The following SUSD2 variants were observed in gnomAD, a reference collection of about 807,000 sequenced individuals.
The protein encoded by SUSD2 is sushi domain containing 2, also known as sushi domain-containing protein 2.
Under a neutral mutation model 93.8 loss-of-function variants are expected in SUSD2, and 86 were observed. The ratio of observed to expected loss-of-function variants is 0.92; its 90% CI spans 0.77 to 1.10. The LOEUF is 1.10. Ranked by LOEUF, SUSD2 falls within the 50% of genes least tolerant of loss-of-function variation. The probability of loss-of-function intolerance (pLI) is 0.00; values close to 1 mark genes in which losing one functional copy is unlikely to be tolerated. For synonymous variants in SUSD2, 483 were observed against 485.0 expected (o/e 1.00, Z 0.05); for missense variants, 1,060 against 1,137.0 (o/e 0.93, Z 0.97).
chr22:24,187,483 G>A, intron 11 of SUSD2, 33 bp downstream of exon 11: 12 of 1,607,842 alleles, frequency 7.5e-6, no homozygotes, highest in Non-Finnish European at 1.0e-5. Flanking sequence ...GGGCAGACGG[G>A]GTGGGGGTTA....
At position 24,184,907 on chromosome 22, in the gene SUSD2, G is replaced by A. The variant is rs1034578974; in HGVS notation, c.749G>A (p.Arg250Gln). 12 of 1,613,716 alleles carry A rather than the reference G, an allele frequency of 7.4e-6. No homozygotes were observed. The highest frequency in any genetic ancestry group is 3.3e-5 in the South Asian group (3 of 91,064). The change falls in exon 5 of 15, where the codon CGG becomes CAG. Residue 250 changes from arginine (R) to glutamine (Q), a missense_variant. Physicochemically the swap from Arg to Gln is conservative, Grantham distance 43. Around this residue, in one of 2 missense-constraint regions of SUSD2, gnomAD observed 973 missense variants for 1,005.3 expected, o/e 0.97. Transcript: ENST00000358321. ...CAGAGATGGCGAGTGGGTGCACTTC[G>A]GATCATCGACAGCAAAAATTACGCA... ...SYQRWRVGAL[R>Q]IIDSKNYAGQ...
intron 2 of SUSD2, 21 bp downstream of exon 2, chr22:24,183,288 G>T (rs758542649): frequency 1.5e-5 from 24 of 1,599,546 alleles, no homozygotes; most frequent in South Asian, 3.3e-5. Flanking sequence ...CCAGGAGGCC[G>T]GGCACTGGGG....
At chr22:24,183,305 G>A (rs746310096) in intron 2 of SUSD2, 38 bp downstream of exon 2, 19 of 1,579,370 alleles carry the variant, frequency 1.2e-5, no homozygotes, top group African/African-American at 5.4e-5. Context: ...GGGGCCCCAC[G>A]CCCCCATCCC....
chr22:24,183,889 A>T lies in SUSD2; in HGVS notation c.439+243A>T, dbSNP rs535934437. ...TAGAGAGGTGGGCCAGTGCCTATCC[A>T]CTGAGCTCCGCCATGCCAGGGCAGG... On this transcript the variant is annotated intron_variant, in intron 3 of 14. Coordinates refer to ENST00000358321, the MANE Select transcript of SUSD2 (RefSeq NM_019601.4). The T allele has an allele frequency of 3.7e-5, 24 of 646,936 alleles. No homozygotes were observed. In the South Asian group the frequency reaches 4.3e-4, roughly 12 times the overall value. 40.1% of individuals were successfully genotyped at this position (646,936 alleles called of 1,614,324 possible).
chr22:24,184,669 C>T lies in SUSD2; in HGVS notation c.608-97C>T, dbSNP rs1239180880. On this transcript the variant is annotated intron_variant, in intron 4 of 14. Transcript: ENST00000358321. ...AGCCCCTCCTAAGGGGACCGCCTGGCGGTCCATCCACCCATCTGTCAGGCT... is the reference window on the plus strand; with the variant it reads ...AGCCCCTCCTAAGGGGACCGCCTGGTGGTCCATCCACCCATCTGTCAGGCT... The T allele has an allele frequency of 2.0e-5, 21 of 1,035,750 alleles. 1 individual carries two copies. The highest frequency in any genetic ancestry group is 4.8e-5 in the African/African-American group (3 of 62,088). 64.2% of individuals were successfully genotyped at this position (1,035,750 alleles called of 1,614,324 possible). A position where few individuals can be genotyped will look rare whatever the true frequency, so the allele number is the denominator to read the frequency against.
Position 24,188,581 on chromosome 22 carries a change from AC to A in SUSD2, c.*149del. On this transcript the variant is annotated 3_prime_UTR_variant, in exon 15 of 15. Coordinates refer to ENST00000358321, the MANE Select transcript of SUSD2 (RefSeq NM_019601.4). The surrounding 1 kb of genome is among the most constrained non-coding windows in gnomAD (Gnocchi z 4.7). ...TTAACCCCCTACTCTGTCATCTCAG[AC>A]CCCAGGCAGGAGGCCCAGTGTTCCA... 1.3e-6 allele frequency: 1 copy of A among 759,040 alleles called. No homozygotes were observed. The highest frequency in any genetic ancestry group is 2.1e-6 in the Non-Finnish European group (1 of 470,744). 47.0% of individuals were successfully genotyped at this position (759,040 alleles called of 1,614,324 possible). A position where few individuals can be genotyped will look rare whatever the true frequency, so the allele number is the denominator to read the frequency against.
chr22:24,186,975 G>T (rs368120336), intron 10 of SUSD2: 6 of 601,038 alleles, frequency 1.0e-5, no homozygotes, highest in Admixed American at 3.0e-5. Context: ...TCAACATGGG[G>T]GATTCACTGC....
Position 24,183,135 on chromosome 22 carries a change from G to T in SUSD2, c.155G>T (p.Gly52Val). 6.2e-7 allele frequency: 1 copy of T among 1,614,050 alleles called. No individual in the cohort carries two copies. Among genetic ancestry groups the T allele is most frequent in the Non-Finnish European group, 8.5e-7 (1 of 1,179,882 alleles). The part of the protein sequence containing the change: ...CSCHPTCSGL[G>V]TCCLDFRDFC... ...TGCCACCCGACGTGCTCTGGCCTTG[G>T]CACCTGCTGCTTGGATTTCCGGGAC... Residue 52 changes from glycine to valine, a missense_variant, in exon 2 of 15, where the codon GGC (glycine) becomes GTC (valine). Gly to Val is a moderately radical substitution (Grantham distance 109). Around this residue, in one of 2 missense-constraint regions of SUSD2, gnomAD observed 87 missense variants for 131.6 expected, o/e 0.66. Coordinates refer to ENST00000358321, the MANE Select transcript of SUSD2 (RefSeq NM_019601.4).
intron 1 of SUSD2, among the ~76,000 whole-genome samples, chr22:24,181,823 G>A (rs1333515958): frequency 1.3e-5 from 2 of 152,314 alleles, no homozygotes; most frequent in Admixed American, 6.5e-5. Context: ...GGAGGGAGGC[G>A]GGGGAGACCA....
In SUSD2 at chr22:24,187,228, G is replaced by A. The variant is rs1242941520; in HGVS notation, c.1669G>A (p.Asp557Asn). Residue 557 changes from aspartate (D) to asparagine (N), a missense_variant, in exon 11 of 15, where the codon GAC becomes AAC. Asp to Asn is a conservative substitution (Grantham distance 23). Transcript: ENST00000358321. Reference sequence around the variant, plus strand: ...AATGTTCCTGTCGGTGGCTGCCGGGGACAGGGTCTCCATCATGCTGGCATC... The same window carrying A: ...AATGTTCCTGTCGGTGGCTGCCGGGAACAGGGTCTCCATCATGCTGGCATC... ...KGMFLSVAAG[D>N]RVSIMLASGA... 3 of 1,613,244 alleles carry A rather than the reference G, an allele frequency of 1.9e-6. No homozygotes were observed. The highest frequency in any genetic ancestry group is 2.5e-6 in the Non-Finnish European group (3 of 1,179,942).
rs1326726461 is a variant in SUSD2 at position 24,188,455 on chromosome 22, G to T, written c.*19G>T. On this transcript the variant is annotated 3_prime_UTR_variant, in exon 15 of 15. Transcript: ENST00000358321. This position sits in a 1 kb window ranked among gnomAD's most constrained non-coding sequence, Gnocchi z 4.7. ...GCCCTGATGGGAGCAGCTTGGCTGT[G>T]AGCACCAGGCCAAGACTCCTGAGAA... 1.2e-6 allele frequency: 2 copies of T among 1,607,720 alleles called. No homozygotes were observed. Among genetic ancestry groups the T allele is most frequent in the South Asian group, 2.2e-5 (2 of 91,014 alleles).
At chr22:24,183,852 T>G in intron 3 of SUSD2, 1 of 667,714 alleles carries the variant, frequency 1.5e-6, no homozygotes, top group Non-Finnish European at 2.5e-6. Flanking sequence ...GAGTGGGAGC[T>G]GCAGGGGTCC....
chr22:24,181,665 T>G, intron 1 of SUSD2, 70 bp downstream of exon 1: 4 of 1,251,178 alleles, frequency 3.2e-6, no homozygotes, highest in Non-Finnish European at 4.5e-6. Context: ...TGGGCTGACA[T>G]CCCTCTGGGC....
chr22:24,185,463 G>A, intron 6 of SUSD2, 23 bp from the exon 7 acceptor site: 1 of 1,553,420 alleles, frequency 6.4e-7, no homozygotes, highest in South Asian at 1.2e-5. Context: ...GCCACTGGGT[G>A]ACAGCCACCT....
At position 24,187,436 on chromosome 22, in the gene SUSD2, T is replaced by C. The variant is rs2047376213; in HGVS notation, c.1877T>C (p.Leu626Pro). Reference protein sequence around the residue: ...PPGTSPQELFLFGANWTVHNA... With the variant: ...PPGTSPQELFPFGANWTVHNA... ...GGCACCAGTCCCCAGGAGCTGTTCC[T>C]GTTTGGGGCCAACTGTGAGTGACCG... The change falls in exon 11 of 15, where the codon CTG becomes CCG. Residue 626 changes from leucine to proline, a missense_variant. Leu to Pro is a moderately conservative substitution (Grantham distance 98). Transcript: ENST00000358321. 6.2e-7 allele frequency: 1 copy of C among 1,613,098 alleles called. No homozygotes were observed. The highest frequency in any genetic ancestry group is 1.3e-5 in the African/African-American group (1 of 75,012).
rs747449083 is a variant in SUSD2, at chr22:24,187,701, C to T, written c.2022C>T (p.Ser674=). Residue 674 remains serine, a synonymous_variant, in exon 12 of 15, where the codon AGC becomes AGT. Transcript: ENST00000358321. The part of the protein sequence containing the change: ...LFPSETTLNP[S]LAQEAAKLCG... ...CCAGTGAGACCACCCTCAACCCCAGCCTGGCACAAGAGGCAGCCAAACTAT... is the reference window on the plus strand; with the variant it reads ...CCAGTGAGACCACCCTCAACCCCAGTCTGGCACAAGAGGCAGCCAAACTAT... The T allele has an allele frequency of 6.2e-7, 1 of 1,613,936 alleles. No individual in the cohort carries two copies. The highest frequency in any genetic ancestry group is 1.1e-5 in the South Asian group (1 of 91,050).
chr22:24,185,929 G>C lies in SUSD2; in HGVS notation c.1339G>C (p.Ala447Pro), dbSNP rs141746789. 17 of 1,569,076 alleles carry C rather than the reference G, an allele frequency of 1.1e-5. No individual in the cohort carries two copies. The highest frequency in any genetic ancestry group is 7.0e-5 in the Admixed American group (4 of 57,444). Reference sequence around the variant, plus strand: ...CCGCAACTACCGGCCCCCAAGACTGGGTGGGTGCCATCCCGTGCCCCAGAC... The same window carrying C: ...CCGCAACTACCGGCCCCCAAGACTGCGTGGGTGCCATCCCGTGCCCCAGAC... Reference protein sequence around the residue: ...DCRNYRPPRLASAFGDPHFVT... With the variant: ...DCRNYRPPRLPSAFGDPHFVT... Residue 447 changes from alanine (A) to proline (P), a missense_variant and splice_region_variant, in exon 8 of 15, where the codon GCC (alanine) becomes CCC (proline). Coordinates refer to ENST00000358321, the MANE Select transcript of SUSD2 (RefSeq NM_019601.4).
chr22:24,182,861 T>C (rs2047333195), intron 1 of SUSD2, 196 bp from the exon 2 acceptor site: 1 of 596,600 alleles, frequency 1.7e-6, no homozygotes, highest in Admixed American at 3.0e-5. Context: ...AGATGGTCTG[T>C]GCTAAGATTC....
At chr22:24,181,716 AG>A in intron 1 of SUSD2, 121 bp downstream of exon 1, 5 of 778,532 alleles carry the variant, frequency 6.4e-6, no homozygotes, top group Non-Finnish European at 9.7e-6. Flanking sequence ...TGGCTGTGCT[AG>A]GGGTGATGGG....
Sources: gnomAD v4.1 joint callset for allele counts (sites outside exome capture counted in the v4.1 genomes callset) on GRCh38, gnomAD v4.1.1 for gene constraint, gnomAD v4.1.1 regional missense constraint, Gnocchi (gnomAD v3.1) non-coding constraint, MANE v1.5 for transcripts, NCBI Gene and HGNC (gene_info 2026-07-23, HGNC 2026-07-21) for gene names.